The following MGAM2 variants were observed in gnomAD, a reference collection of about 807,000 sequenced individuals.
The protein encoded by MGAM2 is probable maltase-glucoamylase 2.
A neutral mutation model predicts 96.1 loss-of-function variants in MGAM2; 98 were observed. That is an observed-to-expected ratio of 1.02 (90% confidence interval 0.87 to 1.21). The LOEUF (loss-of-function observed/expected upper bound fraction) is 1.21, where lower values mean the gene tolerates loss of function less well. MGAM2 is among the 50% of genes most tolerant of loss of function. MGAM2 has a pLI of 0.00. For synonymous variants in MGAM2, 749 were observed against 414.8 expected (o/e 1.81, Z -9.79); for missense variants, 2,055 against 1,182.4 (o/e 1.74, Z -10.82).
intron 36 of MGAM2, 54 bp from the exon 37 acceptor site, chr7:142,189,313 C>G: frequency 1.7e-6 from 1 of 604,698 alleles, no homozygotes. Flanking sequence ...ATGGGCATTT[C>G]TAGTGAATGT....
rs547003974 is a variant in MGAM2, at chr7:142,153,324, C to T, written c.1635-694C>T. 3.7e-4 allele frequency among the ~76,000 whole-genome samples: 56 copies of T among 152,190 alleles called. No individual in the cohort carries two copies. In the East Asian group the frequency reaches 4.0e-3, roughly 11 times the overall value. The stretch of plus-strand genomic sequence containing the variant: ...CTGCTTTCATTTCTATATTGTTTTA[C>T]GTAACATGTAATATTTTATTTATAA... On this transcript the variant is annotated intron_variant, in intron 15 of 47. Coordinates refer to ENST00000477922, the MANE Select transcript of MGAM2 (RefSeq NM_001293626.2).
chr7:142,147,543 A>G lies in MGAM2; in HGVS notation c.1604A>G (p.Tyr535Cys), dbSNP rs1795423677. The G allele has an allele frequency of 1.4e-6, 1 of 702,910 alleles. No homozygotes were observed. Among genetic ancestry groups the G allele is most frequent in the African/African-American group, 1.7e-5 (1 of 57,394 alleles). The allele number at this position is 702,910 out of a possible 1,614,324, so 43.5% of individuals were successfully genotyped here. The change falls in exon 15 of 48, where the codon TAT becomes TGT. Residue 535 changes from tyrosine to cysteine, a missense_variant. Tyr to Cys is a radical substitution (Grantham distance 194). Coordinates refer to ENST00000477922, the MANE Select transcript of MGAM2 (RefSeq NM_001293626.2). ...CTTCATTATGACATCCACAGCTTGT[A>G]TGGCCACTCCATGGCAAGAACCACA... is the stretch of plus-strand genomic sequence containing the variant. ...GGLHYDIHSL[Y>C]GHSMARTTNL...
Position 142,187,242 on chromosome 7 carries a change from A to C in MGAM2, c.4123-508A>C, listed in dbSNP as rs182598070. 6.4e-4 allele frequency among the ~76,000 whole-genome samples: 98 copies of C among 152,332 alleles called. No individual in the cohort carries two copies. In the East Asian group the frequency reaches 0.019, roughly 29 times the overall value. ...TATATTTATAGCAGAAAGTGAGATA[A>C]CTCTCCTTGTGTTTGGCCTATGCCA... On this transcript the variant is annotated intron_variant, in intron 35 of 47. Coordinates refer to ENST00000477922, the MANE Select transcript of MGAM2 (RefSeq NM_001293626.2).
intron 11 of MGAM2, 36 bp from the exon 12 acceptor site, chr7:142,140,985 T>G (rs1212557967): frequency 5.8e-6 from 4 of 691,332 alleles, no homozygotes; most frequent in Admixed American, 2.1e-5. Context: ...GCAAAAAATT[T>G]ATGAAAATAA....
At chr7:142,182,876 G>A (rs1397839975) in intron 32 of MGAM2, among the ~76,000 whole-genome samples, 2 of 152,174 alleles carry the variant, frequency 1.3e-5, no homozygotes, top group Non-Finnish European at 2.9e-5. Context: ...TTCTCCATGG[G>A]AGAGGTGCTT....
At chr7:142,205,686 C>T (rs1415316504) in intron 45 of MGAM2, among the ~76,000 whole-genome samples, 4 of 152,002 alleles carry the variant, frequency 2.6e-5, no homozygotes, top group African/African-American at 9.7e-5. Flanking sequence ...CATAAACAGT[C>T]TTTATAGAAT....
At chr7:142,219,401 T>C (rs1797855607) in intron 47 of MGAM2, among the ~76,000 whole-genome samples, 1 of 152,214 alleles carries the variant, frequency 6.6e-6, no homozygotes, top group African/African-American at 2.4e-5. Context: ...AACCACTCTT[T>C]GCAAGTAATT....
chr7:142,149,572 GCT>G (rs1301395644), intron 15 of MGAM2, among the ~76,000 whole-genome samples: 1 of 151,062 alleles, frequency 6.6e-6, no homozygotes, highest in Non-Finnish European at 1.5e-5. Flanking sequence ...ACGGAGTCTC[GCT>G]CTGTCGCCCA....
Position 142,197,746 on chromosome 7 carries a change from G to A in MGAM2, c.4866+18G>A, listed in dbSNP as rs1223957174. ...TGGAAACTGTGAGTTCTTCATTGTA[G>A]GTCAGAAAACCTTCAATCACATGAT... is the stretch of plus-strand genomic sequence containing the variant. On this transcript the variant is annotated intron_variant, in intron 42 of 47. Coordinates refer to ENST00000477922, the MANE Select transcript of MGAM2 (RefSeq NM_001293626.2). The A allele has an allele frequency of 5.7e-6, 4 of 702,818 alleles. No individual in the cohort carries two copies. The South Asian group carries it at 5.9e-5, about 10-fold the overall frequency. 43.5% of individuals were successfully genotyped at this position (702,818 alleles called of 1,614,324 possible).
chr7:142,131,856 G>A (rs972253193), intron 5 of MGAM2, 75 bp from the exon 6 acceptor site: 11 of 632,024 alleles, frequency 1.7e-5, no homozygotes, highest in African/African-American at 5.5e-5. Context: ...CATTTGAGAT[G>A]GAACATCTTT....
chr7:142,115,911 A>G (rs1036403260), intron 1 of MGAM2, among the ~76,000 whole-genome samples: 4 of 152,340 alleles, frequency 2.6e-5, no homozygotes, highest in African/African-American at 7.2e-5. Context: ...GACATTGCTC[A>G]TTTGCATATG....
At chr7:142,165,930 T>C (rs533293899) in intron 24 of MGAM2, among the ~76,000 whole-genome samples, 168 bp from the exon 25 acceptor site, 12 of 152,310 alleles carry the variant, frequency 7.9e-5, no homozygotes, top group African/African-American at 2.9e-4. Flanking sequence ...AATGACTCCA[T>C]GAAGTGAGAA....
Position 142,220,587 on chromosome 7 carries a change from G to C in MGAM2, c.6076G>C (p.Ala2026Pro). 1 of 697,498 alleles carries C rather than the reference G, an allele frequency of 1.4e-6. No homozygotes were observed. The highest frequency in any genetic ancestry group is 2.6e-6 in the Non-Finnish European group (1 of 384,408). The allele number at this position is 697,498 out of a possible 1,614,324, so 43.2% of individuals were successfully genotyped here. ...TGTTCCTATCACAACCACACTTTTT[G>C]CAACAAGTACTATTGGTGTTACAAC... ...TPVPITTTLF[A>P]TSTIGVTTGT... Residue 2026 changes from alanine to proline, a missense_variant, in exon 48 of 48, where the codon GCA becomes CCA. Ala to Pro is a conservative substitution (Grantham distance 27, BLOSUM62 -1). Coordinates refer to ENST00000477922, the MANE Select transcript of MGAM2 (RefSeq NM_001293626.2).
chr7:142,173,954 G>T (rs2129091482), intron 31 of MGAM2, among the ~76,000 whole-genome samples: 1 of 152,230 alleles, frequency 6.6e-6, no homozygotes, highest in South Asian at 2.1e-4. Context: ...CCCATTGCTT[G>T]TTTTTGTCAG....
intron 34 of MGAM2, among the ~76,000 whole-genome samples, chr7:142,185,472 G>A (rs1803422880): frequency 6.6e-6 from 1 of 152,110 alleles, no homozygotes. Flanking sequence ...GAACAGACTG[G>A]ATTTTAATAA....
intron 3 of MGAM2, among the ~76,000 whole-genome samples, chr7:142,121,519 T>C (rs1298098833): frequency 6.6e-6 from 1 of 152,140 alleles, no homozygotes; most frequent in African/African-American, 2.4e-5. Context: ...TTTATGTTTC[T>C]CTTATATGTT....
intron 46 of MGAM2, among the ~76,000 whole-genome samples, chr7:142,218,135 C>T (rs1212712073): frequency 1.3e-5 from 2 of 151,996 alleles, no homozygotes; most frequent in Non-Finnish European, 2.9e-5. Flanking sequence ...CATGGATATC[C>T]TAAATACCCT....
intron 19 of MGAM2, 95 bp from the exon 20 acceptor site, chr7:142,159,192 A>G (rs1325786908): frequency 6.0e-6 from 4 of 668,346 alleles, no homozygotes; most frequent in African/African-American, 1.8e-5. Context: ...ATCTCTCAGG[A>G]TTGTTCAGAT....
At chr7:142,205,311 G>T (rs1250611894) in intron 45 of MGAM2, among the ~76,000 whole-genome samples, 2 of 152,038 alleles carry the variant, frequency 1.3e-5, no homozygotes, top group African/African-American at 4.8e-5. Context: ...AAACTCTCTT[G>T]TATATTATAC....
Sources: allele counts gnomAD v4.1 joint callset (sites outside exome capture counted in the v4.1 genomes callset), GRCh38; gene constraint gnomAD v4.1.1; transcripts MANE v1.5; gene names NCBI Gene and HGNC (gene_info 2026-07-23, HGNC 2026-07-21).